The following MAST4 variants were observed in gnomAD, a reference collection of about 807,000 sequenced individuals.
MAST4 encodes the protein microtubule-associated serine/threonine-protein kinase 4.
MAST4 carries 89 observed loss-of-function variants against 162.7 expected under a neutral mutation model. The ratio of observed to expected loss-of-function variants is 0.55; its 90% CI spans 0.46 to 0.65. The LOEUF is 0.65. MAST4 is among the 30% of genes least tolerant of loss of function. The pLI is 0.00. For synonymous variants in MAST4, 1,479 were observed against 1,361.1 expected (o/e 1.09, Z -1.91); for missense variants, 3,153 against 3,374.0 (o/e 0.93, Z 1.62).
Position 67,152,674 on chromosome 5 carries a change from T to C in MAST4, c.3333T>C (p.Ser1111=), listed in dbSNP as rs1367648506. The change falls in exon 25 of 29, where the codon TCT becomes TCC. Residue 1111 remains serine, a synonymous_variant. Transcript: ENST00000403625. The stretch of plus-strand genomic sequence containing the variant: ...TTTCCCCTCTGGGAAGTCCAATGTC[T>C]CCCCATTCCCTGTCCTCGGACCCTT... ...FAVSPLGSPM[S]PHSLSSDPSS... 1 of 1,614,022 alleles carries C rather than the reference T, an allele frequency of 6.2e-7. No homozygotes were observed. Among genetic ancestry groups the C allele is most frequent in the Non-Finnish European group, 8.5e-7 (1 of 1,179,894 alleles).
intron 4 of MAST4, among the ~76,000 whole-genome samples, chr5:67,004,263 T>G (rs1751674558): frequency 6.7e-6 from 1 of 150,052 alleles, no homozygotes; most frequent in Non-Finnish European, 1.5e-5. Flanking sequence ...CCGGGGCTGG[T>G]GGGGGGTGGG....
At chr5:66,849,831 A>G (rs1029419800) in intron 3 of MAST4, among the ~76,000 whole-genome samples, 5 of 152,218 alleles carry the variant, frequency 3.3e-5, no homozygotes, top group Admixed American at 1.3e-4. Context: ...AATCTATGTT[A>G]TGTATTATTT....
chr5:66,858,030 C>T (rs1479891734), intron 3 of MAST4, among the ~76,000 whole-genome samples: 1 of 152,064 alleles, frequency 6.6e-6, no homozygotes, highest in Non-Finnish European at 1.5e-5. Context: ...AGTCTCAGCT[C>T]ACTGCAACCT....
chr5:66,848,520 T>C (rs2149805800), intron 3 of MAST4, among the ~76,000 whole-genome samples: 1 of 152,300 alleles, frequency 6.6e-6, no homozygotes, highest in East Asian at 1.9e-4. Context: ...TCCGTTATTA[T>C]AATTTTTTAA....
intron 1 of MAST4, among the ~76,000 whole-genome samples, chr5:66,615,603 C>T (rs75368379): frequency 0.021 from 3,214 of 151,898 alleles, 72 homozygotes; most frequent in Non-Finnish European, 0.034. Flanking sequence ...TCATTTGAGG[C>T]CAGGAGTTCA....
rs1554057455 is a variant in MAST4, at chr5:66,837,894, A to ATATAT, written c.642+49101_642+49102insATATT. ...TATATATATATATATATATATATAT[A>ATATAT]TTTTTTTTTTTTTTTTTTTTTTTAA... On this transcript the variant is annotated intron_variant, in intron 3 of 28. Coordinates refer to ENST00000403625, the MANE Select transcript of MAST4 (RefSeq NM_001164664.2). 1.7e-4 allele frequency among the ~76,000 whole-genome samples: 9 copies of ATATAT among 53,708 alleles called. No individual in the cohort carries two copies. In the South Asian group the frequency reaches 3.0e-3, roughly 18 times the overall value. The allele number at this position is 53,708 out of a possible 152,430, so 35.2% of individuals were successfully genotyped here.
At position 67,166,354 on chromosome 5, in the gene MAST4, C is replaced by A. The variant is rs1351015842; in HGVS notation, c.7175C>A (p.Ser2392Tyr). The A allele has an allele frequency of 1.9e-6, 3 of 1,610,058 alleles. No individual in the cohort carries two copies. Among genetic ancestry groups the A allele is most frequent in the Middle Eastern group, 1.6e-4 (1 of 6,080 alleles). Residue 2392 changes from serine to tyrosine, a missense_variant, in exon 29 of 29, where the codon TCC becomes TAC. By Grantham distance (144) the Ser-to-Tyr change is moderately radical. Around this residue, in one of 7 missense-constraint regions of MAST4, gnomAD observed 1,644 missense variants for 1,495.0 expected, o/e 1.10. Transcript: ENST00000403625. ...AEGDKLEAGLSFVHSENRLKG... is the reference protein window; with the variant it reads ...AEGDKLEAGLYFVHSENRLKG... Reference sequence around the variant, plus strand: ...GGCGACAAGCTCGAGGCCGGCCTTTCCTTTGTGCATAGCGAGAACCGGTTG... The same window carrying A: ...GGCGACAAGCTCGAGGCCGGCCTTTACTTTGTGCATAGCGAGAACCGGTTG...
chr5:67,060,517 G>A (rs558609888), intron 5 of MAST4, among the ~76,000 whole-genome samples: 8 of 131,646 alleles, frequency 6.1e-5, no homozygotes, highest in African/African-American at 2.3e-4. Context: ...TTGCTCTGTC[G>A]CCCAGGCTGG....
chr5:66,765,844 T>C (rs1028081262), intron 2 of MAST4, among the ~76,000 whole-genome samples: 1 of 151,778 alleles, frequency 6.6e-6, no homozygotes, highest in African/African-American at 2.4e-5. Context: ...GACGAGAAAA[T>C]AACCAGTGCC....
chr5:67,049,078 T>TATATAC (rs1381641749), intron 4 of MAST4, among the ~76,000 whole-genome samples: 38 of 138,780 alleles, frequency 2.7e-4, no homozygotes, highest in Middle Eastern at 3.8e-3. Flanking sequence ...TATATATATA[T>TATATAC]ACACTACCAT....
At chr5:66,712,674 A>G (rs144282532) in intron 1 of MAST4, among the ~76,000 whole-genome samples, 1 of 152,184 alleles carries the variant, frequency 6.6e-6, no homozygotes, top group Non-Finnish European at 1.5e-5. Context: ...TCCAGGAAAT[A>G]CCCTTTGAAA....
chr5:66,819,227 G>C (rs563134198), intron 3 of MAST4, among the ~76,000 whole-genome samples: 2 of 152,272 alleles, frequency 1.3e-5, no homozygotes, highest in East Asian at 3.9e-4. Flanking sequence ...CAAGATTCAT[G>C]GGGGAACATC....
At chr5:66,744,829 T>C (rs1484968148) in intron 1 of MAST4, among the ~76,000 whole-genome samples, 1 of 152,190 alleles carries the variant, frequency 6.6e-6, no homozygotes, top group East Asian at 1.9e-4. Context: ...CAACATGAGA[T>C]TTGAGTGGGG....
intron 3 of MAST4, among the ~76,000 whole-genome samples, chr5:66,799,974 A>G (rs1432604068): frequency 4.6e-5 from 7 of 152,242 alleles, no homozygotes; most frequent in African/African-American, 1.4e-4. Context: ...CTTGGAACAC[A>G]TAAGAACACA....
intron 2 of MAST4, among the ~76,000 whole-genome samples, chr5:66,788,234 TG>T (rs1428094428): frequency 6.6e-6 from 1 of 152,222 alleles, no homozygotes. Context: ...TGTTTCCTTT[TG>T]TTGGTCATGA....
chr5:66,754,753 G>A (rs1198119165), intron 1 of MAST4, among the ~76,000 whole-genome samples: 2 of 152,200 alleles, frequency 1.3e-5, no homozygotes, highest in Non-Finnish European at 2.9e-5. Flanking sequence ...CATATGTCAT[G>A]TGGTGATAGA....
chr5:66,666,556 A>C (rs946729796), intron 1 of MAST4, among the ~76,000 whole-genome samples: 2 of 152,222 alleles, frequency 1.3e-5, no homozygotes, highest in Non-Finnish European at 2.9e-5. Context: ...TTATCACATT[A>C]ACTCTACTAT....
chr5:66,662,152 C>T (rs1476592409), intron 1 of MAST4, among the ~76,000 whole-genome samples: 2 of 151,810 alleles, frequency 1.3e-5, no homozygotes, highest in Non-Finnish European at 2.9e-5. Flanking sequence ...AAACAGACAT[C>T]TCTGCCTTCA....
In MAST4 at chr5:67,102,544, G is replaced by T; in HGVS notation, c.1079G>T (p.Arg360Leu). The change falls in exon 9 of 29, where the codon CGT (arginine) becomes CTT (leucine). Residue 360 changes from arginine (R) to leucine (L), a missense_variant. Coordinates refer to ENST00000403625, the MANE Select transcript of MAST4 (RefSeq NM_001164664.2). ...RPRSRSLSPGRSPACCDHEII... is the reference protein window; with the variant it reads ...RPRSRSLSPGLSPACCDHEII... Reference sequence around the variant, plus strand: ...ATTTGCTTTGCTTGCAGCCCTGGACGTTCTCCCGCCTGCTGTGACCATGAA... The same window carrying T: ...ATTTGCTTTGCTTGCAGCCCTGGACTTTCTCCCGCCTGCTGTGACCATGAA... The T allele has an allele frequency of 6.2e-7, 1 of 1,613,862 alleles. No homozygotes were observed. Among genetic ancestry groups the T allele is most frequent in the Non-Finnish European group, 8.5e-7 (1 of 1,179,786 alleles).
Sources: gnomAD v4.1 joint callset for allele counts (sites outside exome capture counted in the v4.1 genomes callset) on GRCh38, gnomAD v4.1.1 for gene constraint, gnomAD v4.1.1 regional missense constraint, MANE v1.5 for transcripts, NCBI Gene and HGNC (gene_info 2026-07-23, HGNC 2026-07-21) for gene names.